The following PCDHA5 variants were observed in gnomAD, a reference collection of about 807,000 sequenced individuals.
PCDHA5 encodes protocadherin alpha 5.
In PCDHA5, 43 loss-of-function variants were observed where a neutral mutation model predicts 61.6. The ratio of observed to expected loss-of-function variants is 0.70; its 90% CI spans 0.55 to 0.90. PCDHA5 has a LOEUF of 0.90. PCDHA5 is among the 40% of genes least tolerant of loss of function. PCDHA5 has a pLI of 0.00. For synonymous variants in PCDHA5, 627 were observed against 543.9 expected, an observed-to-expected ratio of 1.15 and a Z score of -2.13; for missense variants, 1,298 against 1,222.7, an observed-to-expected ratio of 1.06 and a Z score of -0.92.
At chr5:140,989,527 G>A (rs1172019994) in intron 3 of PCDHA5, among the ~76,000 whole-genome samples, 1 of 152,192 alleles carries the variant, frequency 6.6e-6, no homozygotes, top group Non-Finnish European at 1.5e-5. Flanking sequence ...GGGCAGAGGA[G>A]GAAGATAGTT....
chr5:140,952,072 A>G (rs1433517410), intron 1 of PCDHA5, among the ~76,000 whole-genome samples: 1 of 152,112 alleles, frequency 6.6e-6, no homozygotes, highest in Non-Finnish European at 1.5e-5. Context: ...AATAATCTTC[A>G]TTGACTCCAT....
chr5:140,856,653 A>G (rs2044134498), intron 1 of PCDHA5: 1 of 1,598,162 alleles, frequency 6.3e-7, no homozygotes, highest in Admixed American at 1.7e-5. Flanking sequence ...CTGGATCGTG[A>G]AGAAAATCCT....
At chr5:140,875,992 C>T in intron 1 of PCDHA5, 2 of 1,613,870 alleles carry the variant, frequency 1.2e-6, no homozygotes, top group African/African-American at 1.3e-5. Flanking sequence ...TGCGTTAAGT[C>T]TAAATGAGAA....
At chr5:140,945,125 T>G (rs405192) in intron 1 of PCDHA5, among the ~76,000 whole-genome samples, 86,337 of 151,830 alleles carry the variant, frequency 0.57, 25,231 homozygotes, top group African/African-American at 0.71. Flanking sequence ...AAAAATCAAC[T>G]TACAAAAATC....
In PCDHA5 at chr5:140,846,371, T is replaced by C. The variant is rs1395202174; in HGVS notation, c.2352+22244T>C. On this transcript the variant is annotated intron_variant, in intron 1 of 3. Transcript: ENST00000529859. ...CTCTTTTTTCTTTTCTTTTCTTTCTTTCTTTTTTTTTTTTTTTTTTTGAGA... is the reference window on the plus strand; with the variant it reads ...CTCTTTTTTCTTTTCTTTTCTTTCTCTCTTTTTTTTTTTTTTTTTTTGAGA... Among the ~76,000 whole-genome samples the C allele has an allele frequency of 3.6e-5, 4 of 111,996 alleles. 2 individuals carry two copies. Among genetic ancestry groups the C allele is most frequent in the Non-Finnish European group, 7.2e-5 (4 of 55,194 alleles). 73.5% of individuals were successfully genotyped at this position (111,996 alleles called of 152,430 possible).
intron 1 of PCDHA5, chr5:140,868,387 A>G: frequency 1.3e-5 from 2 of 152,312 alleles, no homozygotes; most frequent in South Asian, 4.1e-4. Context: ...AATGAGAACT[A>G]TAGAAAATAG....
intron 3 of PCDHA5, among the ~76,000 whole-genome samples, chr5:141,000,395 C>A (rs664650): frequency 0.072 from 3,868 of 53,704 alleles, 168 homozygotes; most frequent in Non-Finnish European, 0.081. Flanking sequence ...CTCTCTCTCT[C>A]TATATATATA....
chr5:140,925,033 C>G (rs1176042899), intron 1 of PCDHA5, among the ~76,000 whole-genome samples: 1 of 151,334 alleles, frequency 6.6e-6, no homozygotes, highest in Non-Finnish European at 1.5e-5. Flanking sequence ...ATCGCTTGAG[C>G]CCAGAAGTTT....
At chr5:140,855,521 G>A (rs1349311147) in intron 1 of PCDHA5, among the ~76,000 whole-genome samples, 1 of 149,904 alleles carries the variant, frequency 6.7e-6, no homozygotes, top group Admixed American at 6.7e-5. Context: ...AAAATAATGA[G>A]AAAGAGAAGT....
At chr5:140,950,080 C>G (rs528804395) in intron 1 of PCDHA5, among the ~76,000 whole-genome samples, 2 of 151,836 alleles carry the variant, frequency 1.3e-5, no homozygotes, top group Admixed American at 1.3e-4. Context: ...ATTGCTTATG[C>G]TATAGTTTTC....
At chr5:140,888,956 G>A (rs1043287613) in intron 1 of PCDHA5, among the ~76,000 whole-genome samples, 1 of 151,722 alleles carries the variant, frequency 6.6e-6, no homozygotes, top group Non-Finnish European at 1.5e-5. Context: ...TTTTTCTTTG[G>A]CAATGTTAAT....
chr5:140,845,513 G>A (rs2150211324), intron 1 of PCDHA5, among the ~76,000 whole-genome samples: 1 of 149,564 alleles, frequency 6.7e-6, no homozygotes, highest in African/African-American at 2.4e-5. Context: ...CCTATTTCTT[G>A]TACATTAATA....
Position 140,877,369 on chromosome 5 carries a change from A to C in PCDHA5, c.2352+53242A>C, listed in dbSNP as rs201135340. 6.4e-5 allele frequency: 103 copies of C among 1,614,000 alleles called. No homozygotes were observed. The African/African-American group carries it at 1.3e-3, about 20-fold the overall frequency. ...GGGGCTGTACACTGGCGAGATCAGC[A>C]CGACACGCATCCTGGATGAGGCGGA... On this transcript the variant is annotated intron_variant, in intron 1 of 3. Transcript: ENST00000529859.
Position 140,833,672 on chromosome 5 carries a change from TC to T in PCDHA5, c.2352+9549del, listed in dbSNP as rs2150210323. 1.4e-3 allele frequency among the ~76,000 whole-genome samples: 206 copies of T among 152,280 alleles called. 1 individual carries two copies. Among genetic ancestry groups the T allele is most frequent in the African/African-American group, 4.4e-3 (183 of 41,568 alleles). On this transcript the variant is annotated intron_variant, in intron 1 of 3. Transcript: ENST00000529859. The stretch of plus-strand genomic sequence containing the variant: ...ATACAAATTCTTCCCCTTCAAAGAT[TC>T]CCCAAACCTTCTCTTATTTTGTTTT...
chr5:140,913,821 A>G (rs2153527973), intron 1 of PCDHA5, among the ~76,000 whole-genome samples: 1 of 152,122 alleles, frequency 6.6e-6, no homozygotes, highest in East Asian at 1.9e-4. Context: ...TTCCTTTTAA[A>G]TTTCTTTATT....
intron 3 of PCDHA5, among the ~76,000 whole-genome samples, chr5:141,003,915 C>T (rs2153979429): frequency 6.6e-6 from 1 of 152,298 alleles, no homozygotes; most frequent in African/African-American, 2.4e-5. Context: ...GTCTTGACTG[C>T]ATCCTCAGTC....
rs782428365 is a variant in PCDHA5 at position 140,927,400 on chromosome 5, C to T, written c.2353-51549C>T. 7 of 1,614,126 alleles carry T rather than the reference C, an allele frequency of 4.3e-6. No homozygotes were observed. In the South Asian group the frequency reaches 5.5e-5, roughly 13 times the overall value. On this transcript the variant is annotated intron_variant, in intron 1 of 3. Transcript: ENST00000529859. ...CAGCCTAAGCCCCAGTCAGCACTTT[C>T]GCCTGGACATGGGATCGCGGGTTGA...
At chr5:140,835,826 C>G in intron 1 of PCDHA5, 4 of 1,612,456 alleles carry the variant, frequency 2.5e-6, no homozygotes, top group Non-Finnish European at 3.4e-6. Context: ...CGGCGGGGGA[C>G]GCGGACGCGC....
intron 1 of PCDHA5, among the ~76,000 whole-genome samples, chr5:140,961,425 T>G (rs2095610907): frequency 6.6e-6 from 1 of 152,226 alleles, no homozygotes; most frequent in Admixed American, 6.5e-5. Context: ...TTTAAACAAT[T>G]ACAAAATCAC....
Sources: allele counts gnomAD v4.1 joint callset (sites outside exome capture counted in the v4.1 genomes callset), GRCh38; gene constraint gnomAD v4.1.1; transcripts MANE v1.5; gene names NCBI Gene and HGNC (gene_info 2026-07-23, HGNC 2026-07-21).